Variants in ARHGAP15 observed in about 807,000 individuals in gnomAD.
ARHGAP15 encodes Rho GTPase activating protein 15.
A neutral mutation model predicts 63.7 loss-of-function variants in ARHGAP15; 51 were observed. The observed-to-expected ratio is 0.80, with a 90% CI of 0.64 to 1.01. ARHGAP15 has a LOEUF of 1.01. Among genes scored for constraint, ARHGAP15 ranks in the 50% least tolerant of loss-of-function variants. The pLI is 0.00. For missense variants in ARHGAP15, 560 were observed against 564.6 expected (o/e 0.99, Z 0.08); for synonymous variants, 191 against 193.8 (o/e 0.99, Z 0.12).
At position 143,724,260 on chromosome 2, in the gene ARHGAP15, ACC is replaced by A. The variant is rs1685186831; in HGVS notation, c.1244+20737_1244+20738del. Among the ~76,000 whole-genome samples, 3 of 152,208 alleles carry A rather than the reference ACC, an allele frequency of 2.0e-5. No individual in the cohort carries two copies. In the East Asian group the frequency reaches 5.8e-4, roughly 29 times the overall value. On this transcript the variant is annotated intron_variant, in intron 13 of 13. Transcript: ENST00000295095. ...TTTGCATCCTAGGTTTATGACTCTA[ACC>A]GTGTCACCTTGGATAACAGCTTCTC...
intron 6 of ARHGAP15, among the ~76,000 whole-genome samples, chr2:143,275,673 C>G (rs1322123278): frequency 6.6e-6 from 1 of 152,154 alleles, no homozygotes; most frequent in Non-Finnish European, 1.5e-5. Flanking sequence ...TTCCCAGATT[C>G]TTTTATGTAA....
chr2:143,734,945 G>A (rs1473567076), intron 13 of ARHGAP15, among the ~76,000 whole-genome samples: 2 of 152,148 alleles, frequency 1.3e-5, no homozygotes, highest in African/African-American at 2.4e-5. Flanking sequence ...AAGAAATACA[G>A]ATCCTGAAAT....
At chr2:143,552,723 T>A (rs1695624613) in intron 10 of ARHGAP15, among the ~76,000 whole-genome samples, 1 of 152,212 alleles carries the variant, frequency 6.6e-6, no homozygotes, top group Non-Finnish European at 1.5e-5. Flanking sequence ...TAATTTTTCA[T>A]ACTACCATTA....
At chr2:143,668,357 G>C (rs560693175) in intron 12 of ARHGAP15, among the ~76,000 whole-genome samples, 23 of 151,416 alleles carry the variant, frequency 1.5e-4, no homozygotes, top group East Asian at 5.8e-4. Flanking sequence ...TTTCAGCTCT[G>C]AATGGCTAAT....
intron 2 of ARHGAP15, among the ~76,000 whole-genome samples, chr2:143,197,229 G>T (rs1248011096): frequency 6.6e-6 from 1 of 151,838 alleles, no homozygotes. Flanking sequence ...CTTACTATTA[G>T]AAATTACTGA....
chr2:143,419,040 A>C (rs922612958), intron 6 of ARHGAP15, among the ~76,000 whole-genome samples: 2 of 152,168 alleles, frequency 1.3e-5, no homozygotes, highest in African/African-American at 4.8e-5. Flanking sequence ...ATTGGGGAAA[A>C]TTTATGTGGT....
At chr2:143,140,148 T>A (rs1228301296) in intron 1 of ARHGAP15, among the ~76,000 whole-genome samples, 1 of 152,170 alleles carries the variant, frequency 6.6e-6, no homozygotes, top group Non-Finnish European at 1.5e-5. Flanking sequence ...ATTTCAATTC[T>A]AAGTATTATG....
At chr2:143,693,723 A>ATAGT (rs1211674798) in intron 12 of ARHGAP15, among the ~76,000 whole-genome samples, 1 of 152,210 alleles carries the variant, frequency 6.6e-6, no homozygotes, top group Non-Finnish European at 1.5e-5. Context: ...TAGGACGTTG[A>ATAGT]TAGTTAGGGA....
chr2:143,631,186 C>A (rs1699056738), intron 12 of ARHGAP15, among the ~76,000 whole-genome samples: 1 of 151,814 alleles, frequency 6.6e-6, no homozygotes, highest in Non-Finnish European at 1.5e-5. Flanking sequence ...AGTAATATTT[C>A]ATTATTTGAA....
chr2:143,526,605 C>A (rs1488860786), intron 10 of ARHGAP15, among the ~76,000 whole-genome samples: 1 of 152,042 alleles, frequency 6.6e-6, no homozygotes, highest in African/African-American at 2.4e-5. Flanking sequence ...TGGGAGTTTT[C>A]CCATTACAAG....
At chr2:143,380,040 AAAG>A (rs1299977921) in intron 6 of ARHGAP15, among the ~76,000 whole-genome samples, 1 of 152,086 alleles carries the variant, frequency 6.6e-6, no homozygotes, top group Non-Finnish European at 1.5e-5. Flanking sequence ...GAAGGGATAA[AAAG>A]AAATACATCA....
intron 13 of ARHGAP15, among the ~76,000 whole-genome samples, chr2:143,755,285 G>GA (rs945073770): frequency 5.6e-5 from 8 of 143,912 alleles, no homozygotes; most frequent in South Asian, 2.4e-4. Context: ...GGGGGGGGGG[G>GA]ATCTATACCA....
Position 143,445,022 on chromosome 2 carries a change from A to G in ARHGAP15, c.703+7980A>G, listed in dbSNP as rs72853738. On this transcript the variant is annotated intron_variant, in intron 8 of 13. Transcript: ENST00000295095. Reference sequence around the variant, plus strand: ...GTAAATAAATATACCCTATTTGTATACAAAATTAATTGGCCTAAAAAGGTA... The same window carrying G: ...GTAAATAAATATACCCTATTTGTATGCAAAATTAATTGGCCTAAAAAGGTA... Among the ~76,000 whole-genome samples, 841 of 152,254 alleles carry G rather than the reference A, an allele frequency of 5.5e-3. 8 individuals are homozygous for G. Among genetic ancestry groups the G allele is most frequent in the Non-Finnish European group, 0.011 (715 of 68,020 alleles).
rs191463800 is a variant in ARHGAP15, at chr2:143,271,320, G to C, written c.474+20720G>C. On this transcript the variant is annotated intron_variant, in intron 6 of 13. Transcript: ENST00000295095. ...TTCTGTTACTGAGAGGTCAACACCA[G>C]GTACATTCCTAAAGTTTCTATTTCT... 1.9e-3 allele frequency among the ~76,000 whole-genome samples: 288 copies of C among 152,232 alleles called. 2 individuals carry two copies. The highest frequency in any genetic ancestry group is 3.1e-3 in the Non-Finnish European group (210 of 68,004).
chr2:143,339,232 G>A (rs1487795041), intron 6 of ARHGAP15, among the ~76,000 whole-genome samples: 1 of 152,090 alleles, frequency 6.6e-6, no homozygotes, highest in Non-Finnish European at 1.5e-5. Context: ...GAACTAGGAT[G>A]TGTGACCTTG....
chr2:143,201,296 T>C (rs916975654), intron 2 of ARHGAP15, among the ~76,000 whole-genome samples: 1 of 151,242 alleles, frequency 6.6e-6, no homozygotes, highest in Non-Finnish European at 1.5e-5. Flanking sequence ...TAAAAAAAAA[T>C]TTTTTTTGTA....
chr2:143,195,395 T>C (rs1042962764), intron 2 of ARHGAP15, among the ~76,000 whole-genome samples: 1 of 152,140 alleles, frequency 6.6e-6, no homozygotes, highest in Admixed American at 6.5e-5. Context: ...ACTAGGATTA[T>C]GAAAAGATGC....
At chr2:143,461,153 G>A (rs1342611348) in intron 8 of ARHGAP15, among the ~76,000 whole-genome samples, 6 of 151,832 alleles carry the variant, frequency 4.0e-5, no homozygotes, top group African/African-American at 4.8e-5. Context: ...AGCCAGGCAC[G>A]GTGGCGCACA....
chr2:143,500,044 T>C (rs180745465), intron 9 of ARHGAP15, among the ~76,000 whole-genome samples: 160 of 152,056 alleles, frequency 1.1e-3, no homozygotes, highest in African/African-American at 3.8e-3. Context: ...AAGAGAATAA[T>C]TAAGTGAAAT....
Sources: gnomAD v4.1 joint callset for allele counts (sites outside exome capture counted in the v4.1 genomes callset) on GRCh38, gnomAD v4.1.1 for gene constraint, MANE v1.5 for transcripts, NCBI Gene and HGNC (gene_info 2026-07-23, HGNC 2026-07-21) for gene names.